RUNX1T1: variants seen among roughly 807,000 people sequenced by gnomAD.
RUNX1T1 encodes protein CBFA2T1.
Under a neutral mutation model 62.8 loss-of-function variants are expected in RUNX1T1, and 4 were observed. The observed-to-expected ratio is 0.06, with a 90% CI of 0.03 to 0.15. The LOEUF (loss-of-function observed/expected upper bound fraction) is 0.15, where lower values mean the gene tolerates loss of function less well. Ranked by LOEUF, RUNX1T1 falls within the 10% of genes least tolerant of loss-of-function variation. RUNX1T1 has a pLI of 1.00. For synonymous variants in RUNX1T1, 291 were observed against 286.0 expected (o/e 1.02, Z -0.18); for missense variants, 508 against 754.3 (o/e 0.67, Z 3.82).
intron 8 of RUNX1T1, among the ~76,000 whole-genome samples, chr8:91,980,846 A>G (rs766799850): frequency 1.3e-5 from 2 of 151,754 alleles, no homozygotes; most frequent in African/African-American, 4.8e-5. Context: ...TAATTTTTTG[A>G]TTTTTGGTAG....
chr8:92,047,354 A>T (rs976599882), intron 1 of RUNX1T1, among the ~76,000 whole-genome samples: 1 of 151,992 alleles, frequency 6.6e-6, no homozygotes, highest in Admixed American at 6.6e-5. Flanking sequence ...CAATTACCCA[A>T]ATTTAAACTG....
chr8:92,098,266 T>C (rs1198800940), intron 1 of RUNX1T1, among the ~76,000 whole-genome samples: 3 of 152,232 alleles, frequency 2.0e-5, no homozygotes, highest in African/African-American at 7.2e-5. Context: ...TATAAACAGA[T>C]GTGGTAGACA....
At chr8:91,963,168 C>A (rs1043169301) in intron 10 of RUNX1T1, among the ~76,000 whole-genome samples, 1 of 152,130 alleles carries the variant, frequency 6.6e-6, no homozygotes, top group African/African-American at 2.4e-5. Flanking sequence ...GGGAATTGAG[C>A]CTTCTTGCAT....
upstream of RUNX1T1, among the ~76,000 whole-genome samples, chr8:92,102,173 C>T (rs1024495355): frequency 6.6e-6 from 1 of 152,124 alleles, no homozygotes; most frequent in Non-Finnish European, 1.5e-5. The surrounding 1 kb of genome is among the most constrained non-coding windows in gnomAD (Gnocchi z 4.5). Context: ...GACTGCGAAG[C>T]CCGGGACCAG....
upstream of RUNX1T1, chr8:92,102,811 G>C: frequency 6.7e-7 from 1 of 1,489,862 alleles, no homozygotes; most frequent in Non-Finnish European, 8.9e-7. The surrounding 1 kb of genome is among the most constrained non-coding windows in gnomAD (Gnocchi z 4.5). Context: ...TCAGGGGCCC[G>C]ACCCCGCCGC....
chr8:91,984,984 T>G (rs1801630549), intron 8 of RUNX1T1, among the ~76,000 whole-genome samples: 1 of 152,194 alleles, frequency 6.6e-6, no homozygotes, highest in African/African-American at 2.4e-5. Context: ...AGCAGAAATC[T>G]ACAAACCTAA....
chr8:91,993,175 T>C (rs1485127853), intron 5 of RUNX1T1, among the ~76,000 whole-genome samples: 2 of 152,194 alleles, frequency 1.3e-5, no homozygotes, highest in African/African-American at 4.8e-5. Context: ...GAGGCACTTC[T>C]TCTACTTTCC....
At chr8:92,032,093 CAAAAAAAA>C (rs59047751) in intron 1 of RUNX1T1, among the ~76,000 whole-genome samples, 4 of 29,534 alleles carry the variant, frequency 1.4e-4, no homozygotes, top group African/African-American at 1.8e-4. Context: ...AATCCTGTCT[CAAAAAAAA>C]AAAAAAAAAA....
At chr8:92,077,134 A>G (rs1344072542) in intron 1 of RUNX1T1, among the ~76,000 whole-genome samples, 2 of 152,074 alleles carry the variant, frequency 1.3e-5, no homozygotes, top group Non-Finnish European at 1.5e-5. Context: ...TAAAAAATCA[A>G]TGTAGTTTAT....
At chr8:92,057,580 G>C (rs1831240785) in intron 1 of RUNX1T1, among the ~76,000 whole-genome samples, 1 of 152,202 alleles carries the variant, frequency 6.6e-6, no homozygotes, top group African/African-American at 2.4e-5. Context: ...AGAGACAGCA[G>C]TTATATATTC....
intron 5 of RUNX1T1, chr8:92,004,884 T>C: frequency 2.4e-6 from 1 of 422,324 alleles, no homozygotes. Context: ...TTCGCTTTAA[T>C]ACTACAAGCA....
exon 2 of RUNX1T1, chr8:92,075,994 C>A (rs144423229): frequency 2.5e-6 from 4 of 1,609,346 alleles, no homozygotes; most frequent in Non-Finnish European, 3.4e-6. Flanking sequence ...CCCTTTTTTC[C>A]GGCAGTCACC....
At chr8:91,964,905 CT>C (rs1168408017) in intron 10 of RUNX1T1, among the ~76,000 whole-genome samples, 1 of 152,180 alleles carries the variant, frequency 6.6e-6, no homozygotes, top group Non-Finnish European at 1.5e-5. Flanking sequence ...CACTTTGTGG[CT>C]TTAGAACCAC....
chr8:92,041,819 G>GTTTT (rs578249455), intron 1 of RUNX1T1, among the ~76,000 whole-genome samples: 2 of 138,642 alleles, frequency 1.4e-5, no homozygotes, highest in African/African-American at 5.2e-5. Flanking sequence ...GAAGGGGTGG[G>GTTTT]TTTTTTTTTT....
At chr8:92,094,290 T>C (rs1022395204) in intron 1 of RUNX1T1, among the ~76,000 whole-genome samples, 1 of 152,262 alleles carries the variant, frequency 6.6e-6, no homozygotes, top group Non-Finnish European at 1.5e-5. Context: ...AAAACACCTA[T>C]TTTGACAATG....
chr8:91,960,294 G>T (rs147343453), exon 11 of RUNX1T1: 1 of 1,610,156 alleles, frequency 6.2e-7, no homozygotes, highest in African/African-American at 1.3e-5. Flanking sequence ...GGTTGACCTC[G>T]GAGTGGCTGC....
At chr8:92,087,823 G>A (rs1476012337) in intron 1 of RUNX1T1, among the ~76,000 whole-genome samples, 2 of 152,138 alleles carry the variant, frequency 1.3e-5, no homozygotes, top group Admixed American at 6.5e-5. Flanking sequence ...AGTCAAATCA[G>A]GTTTAATGGG....
intron 8 of RUNX1T1, among the ~76,000 whole-genome samples, chr8:91,985,561 T>C (rs1816378672): frequency 6.6e-6 from 1 of 152,184 alleles, no homozygotes; most frequent in Non-Finnish European, 1.5e-5. Context: ...TCATTAATTT[T>C]AAAATAGCTG....
At chr8:92,088,365 G>A (rs1836455537) in intron 1 of RUNX1T1, among the ~76,000 whole-genome samples, 1 of 152,148 alleles carries the variant, frequency 6.6e-6, no homozygotes, top group Admixed American at 6.5e-5. Context: ...ACATGCCCCT[G>A]TATCTTGAGG....
Sources: gnomAD v4.1 joint callset for allele counts (sites outside exome capture counted in the v4.1 genomes callset) on GRCh38, gnomAD v4.1.1 for gene constraint, Gnocchi (gnomAD v3.1) non-coding constraint, MANE v1.5 for transcripts, NCBI Gene and HGNC (gene_info 2026-07-23, HGNC 2026-07-21) for gene names.